Variants in STK17B observed in about 807,000 individuals in gnomAD.
The protein encoded by STK17B is serine/threonine-protein kinase 17B.
In STK17B, 21 loss-of-function variants were observed where a neutral mutation model predicts 42.0. The ratio of observed to expected loss-of-function variants is 0.50; its 90% confidence interval spans 0.35 to 0.72. The LOEUF (loss-of-function observed/expected upper bound fraction) is 0.72, where lower values mean the gene tolerates loss of function less well. Ranked by LOEUF, STK17B falls within the 30% of genes least tolerant of loss-of-function variation. The pLI, the probability that STK17B is intolerant of heterozygous loss-of-function variation, is 0.00. For synonymous variants in STK17B, 143 were observed against 148.4 expected, an observed-to-expected ratio of 0.96 and a Z score of 0.26; for missense variants, 349 against 446.0, an observed-to-expected ratio of 0.78 and a Z score of 1.96.
intron 1 of STK17B, among the ~76,000 whole-genome samples, chr2:196,169,106 T>TC (rs1442472373): frequency 7.1e-6 from 1 of 140,452 alleles, no homozygotes; most frequent in African/African-American, 2.7e-5. Flanking sequence ...AGACGGAGTC[T>TC]CCCTCTGTTG....
intron 1 of STK17B, among the ~76,000 whole-genome samples, chr2:196,163,869 C>A (rs1453940860): frequency 6.6e-6 from 1 of 151,502 alleles, no homozygotes; most frequent in East Asian, 1.9e-4. Context: ...GAGATCCCAT[C>A]TCTATGAAAA....
Position 196,137,333 on chromosome 2 carries a change from A to G in STK17B, c.*114T>C. 8.6e-7 allele frequency: 1 copy of G among 1,162,796 alleles called. No individual in the cohort carries two copies. Among genetic ancestry groups the G allele is most frequent in the Non-Finnish European group, 1.2e-6 (1 of 844,382 alleles). The allele number at this position is 1,162,796 out of a possible 1,614,324, so 72.0% of individuals were successfully genotyped here. A position where few individuals can be genotyped will look rare whatever the true frequency, so the allele number is the denominator to read the frequency against. On this transcript the variant is annotated 3_prime_UTR_variant, in exon 8 of 8. Coordinates refer to ENST00000263955, the MANE Select transcript of STK17B (RefSeq NM_004226.4). ...TTAAAACACTTCCCTAAATTATTCC[A>G]TGGAAAAGTGCATTTACAATATAAA...
chr2:196,162,252 C>T (rs992858650), intron 2 of STK17B, among the ~76,000 whole-genome samples: 2 of 152,058 alleles, frequency 1.3e-5, no homozygotes, highest in Admixed American at 6.6e-5. Context: ...ACTCCTTGGC[C>T]GTACAGAGTT....
At chr2:196,156,707 A>G (rs920595979) in intron 2 of STK17B, 56 bp from the exon 3 acceptor site, 4 of 1,342,604 alleles carry the variant, frequency 3.0e-6, no homozygotes, top group East Asian at 2.3e-5. Flanking sequence ...CAACGTTAGT[A>G]TATTACAGAT....
chr2:196,144,085 C>T lies in STK17B; in HGVS notation c.481-399G>A, dbSNP rs1212741216. On this transcript the variant is annotated intron_variant, in intron 4 of 7. Coordinates refer to ENST00000263955, the MANE Select transcript of STK17B (RefSeq NM_004226.4). Reference sequence around the variant, plus strand: ...GGGTACGGTGGTGTCAACCTGTAGTCTCAGCTACTCTGGAGGCAGGGGTGG... The same window carrying T: ...GGGTACGGTGGTGTCAACCTGTAGTTTCAGCTACTCTGGAGGCAGGGGTGG... Among the ~76,000 whole-genome samples, 3 of 151,552 alleles carry T rather than the reference C, an allele frequency of 2.0e-5. No homozygotes were observed. The East Asian group carries it at 5.9e-4, about 30-fold the overall frequency.
At chr2:196,173,848 C>A (rs1404975843), upstream of STK17B, among the ~76,000 whole-genome samples, 5 of 152,076 alleles carry the variant, frequency 3.3e-5, no homozygotes, top group Non-Finnish European at 4.4e-5. Context: ...GAAATTCTAA[C>A]CCTCAGGAAC....
chr2:196,144,412 G>A (rs1214492985), intron 4 of STK17B, among the ~76,000 whole-genome samples: 6 of 137,238 alleles, frequency 4.4e-5, no homozygotes, highest in South Asian at 2.4e-4. Context: ...GCGTGAACCC[G>A]GGAGGTGGAG....
intron 2 of STK17B, among the ~76,000 whole-genome samples, chr2:196,161,412 T>C (rs1340591122): frequency 6.6e-6 from 1 of 151,482 alleles, no homozygotes; most frequent in Non-Finnish European, 1.5e-5. Flanking sequence ...AATACACCAT[T>C]AAAACACCCA....
At position 196,170,421 on chromosome 2, in the gene STK17B, T is replaced by C. The variant is rs1198009495; in HGVS notation, c.-45+912A>G. ...ATGTGATACACAGTCCTCATGTGTT[T>C]AAATATTAGTGAAATCTGATAAGTA... On this transcript the variant is annotated intron_variant, in intron 1 of 7. Coordinates refer to ENST00000263955, the MANE Select transcript of STK17B (RefSeq NM_004226.4). Among the ~76,000 whole-genome samples the C allele has an allele frequency of 3.9e-5, 6 of 152,240 alleles. No individual in the cohort carries two copies. The South Asian group carries it at 6.2e-4, about 16-fold the overall frequency.
chr2:196,145,344 T>C (rs188604653), intron 4 of STK17B, among the ~76,000 whole-genome samples: 1 of 152,140 alleles, frequency 6.6e-6, no homozygotes, highest in Admixed American at 6.5e-5. Context: ...CACAGACTGA[T>C]TCAGATCTTA....
rs1388305731 is a variant in STK17B, at chr2:196,136,923, T to A, written c.*524A>T. 1 of 152,506 alleles carries A rather than the reference T, an allele frequency of 6.6e-6. No homozygotes were observed. The highest frequency in any genetic ancestry group is 1.5e-5 in the Non-Finnish European group (1 of 68,260). 9.4% of individuals were successfully genotyped at this position (152,506 alleles called of 1,614,324 possible). ...ATGAAAATCTTACGAAGTTTCAAAA[T>A]ATTTGTAATTGAAAGACATTTTCAA... On this transcript the variant is annotated 3_prime_UTR_variant, in exon 8 of 8. Coordinates refer to ENST00000263955, the MANE Select transcript of STK17B (RefSeq NM_004226.4).
intron 7 of STK17B, among the ~76,000 whole-genome samples, chr2:196,138,593 T>G (rs1284298674): frequency 6.6e-6 from 1 of 152,030 alleles, no homozygotes; most frequent in African/African-American, 2.4e-5. Flanking sequence ...TTTTTTTTTT[T>G]GCAATGTAGT....
At chr2:196,153,330 G>A (rs1456134001) in intron 3 of STK17B, 3 of 149,792 alleles carry the variant, frequency 2.0e-5, no homozygotes, top group African/African-American at 4.9e-5. Flanking sequence ...AAACTATTTT[G>A]TACGTATTGT....
At chr2:196,144,777 G>T (rs1699548071) in intron 4 of STK17B, among the ~76,000 whole-genome samples, 1 of 152,114 alleles carries the variant, frequency 6.6e-6, no homozygotes, top group African/African-American at 2.4e-5. Context: ...CCCTGCTGCT[G>T]TCATAACCCA....
chr2:196,149,762 T>C (rs2105692002), intron 3 of STK17B, among the ~76,000 whole-genome samples: 1 of 152,256 alleles, frequency 6.6e-6, no homozygotes, highest in South Asian at 2.1e-4. Flanking sequence ...CAGGAACATA[T>C]CATAAAGTAA....
chr2:196,172,951 CTAG>C (rs1473075004), upstream of STK17B, among the ~76,000 whole-genome samples: 1 of 152,180 alleles, frequency 6.6e-6, no homozygotes, highest in African/African-American at 2.4e-5. Context: ...AGTACCAAAA[CTAG>C]TAACCTCTTG....
At chr2:196,139,200 G>A (rs761335617) in intron 7 of STK17B, among the ~76,000 whole-genome samples, 19 of 149,290 alleles carry the variant, frequency 1.3e-4, no homozygotes, top group Admixed American at 2.7e-4. Flanking sequence ...TCCTGACCTC[G>A]TGATCCATCT....
Position 196,137,489 on chromosome 2 carries a change from T to C in STK17B, c.1077A>G (p.Ser359=), listed in dbSNP as rs1481672255. Residue 359 remains serine (S), a synonymous_variant, in exon 8 of 8, where the codon TCA becomes TCG. Transcript: ENST00000263955. ...AAACAAGTTCATGGGGATTGGGTAA[T>C]GAGTCATCGAAACGAAATCTTTTGG... The part of the protein sequence containing the change: ...MVSKRFRFDD[S]LPNPHELVSD... The C allele has an allele frequency of 1.2e-6, 2 of 1,613,996 alleles. No individual in the cohort carries two copies. The highest frequency in any genetic ancestry group is 1.7e-5 in the Admixed American group (1 of 60,012).
At chr2:196,137,807 C>A in intron 7 of STK17B, 78 bp from the exon 8 acceptor site, 1 of 1,470,708 alleles carries the variant, frequency 6.8e-7, no homozygotes, top group South Asian at 1.4e-5. Flanking sequence ...AGATTATAGA[C>A]ATATTTTTTA....
Sources: allele counts gnomAD v4.1 joint callset (sites outside exome capture counted in the v4.1 genomes callset), GRCh38; gene constraint gnomAD v4.1.1; transcripts MANE v1.5; gene names NCBI Gene and HGNC (gene_info 2026-07-23, HGNC 2026-07-21).